The following ZFR variants were observed in gnomAD, a reference collection of about 807,000 sequenced individuals.
ZFR encodes the protein zinc finger RNA binding protein, also known as zinc finger RNA-binding protein.
A neutral mutation model predicts 130.7 loss-of-function variants in ZFR; 19 were observed. The ratio of observed to expected loss-of-function variants is 0.15; its 90% confidence interval spans 0.10 to 0.21. The LOEUF (loss-of-function observed/expected upper bound fraction) is 0.21. ZFR is among the 10% of genes least tolerant of loss of function. ZFR has a pLI of 1.00. For missense variants in ZFR, 872 were observed against 1,321.5 expected, an observed-to-expected ratio of 0.66 and a Z score of 5.27; for synonymous variants, 466 against 456.9, an observed-to-expected ratio of 1.02 and a Z score of -0.25.
rs370795687 is a variant in ZFR, at chr5:32,355,616, T to G, written c.*144A>C. 2.6e-6 allele frequency: 2 copies of G among 764,940 alleles called. No individual in the cohort carries two copies. Among genetic ancestry groups the G allele is most frequent in the African/African-American group, 3.6e-5 (2 of 54,838 alleles). 47.4% of individuals were successfully genotyped at this position (764,940 alleles called of 1,614,324 possible). A position where few individuals can be genotyped will look rare whatever the true frequency, so the allele number is the denominator to read the frequency against. ...TCAAATAATACCTAACACTGTACAT[T>G]TTTTAATATCATAGAAAAACTTGGT... On this transcript the variant is annotated 3_prime_UTR_variant, in exon 20 of 20. Transcript: ENST00000265069.
chr5:32,383,860 C>G, intron 15 of ZFR: 1 of 453,198 alleles, frequency 2.2e-6, no homozygotes, highest in Non-Finnish European at 4.4e-6. Context: ...TGTTTCTACA[C>G]TTTGGCACAT....
intron 8 of ZFR, among the ~76,000 whole-genome samples, chr5:32,402,754 G>C (rs1025873950): frequency 6.7e-6 from 1 of 149,978 alleles, no homozygotes; most frequent in Admixed American, 6.7e-5. Flanking sequence ...CTCCAGCCTC[G>C]GTGACAGAGT....
At chr5:32,374,637 AT>A (rs1752755913) in intron 17 of ZFR, among the ~76,000 whole-genome samples, 2 of 152,110 alleles carry the variant, frequency 1.3e-5, no homozygotes, top group South Asian at 4.1e-4. Flanking sequence ...CCACATTATT[AT>A]TTTGCTCCCA....
intron 17 of ZFR, among the ~76,000 whole-genome samples, chr5:32,367,446 A>C (rs1383357480): frequency 2.0e-5 from 2 of 97,700 alleles, no homozygotes; most frequent in African/African-American, 8.0e-5. Flanking sequence ...AAAAATAATA[A>C]ATAAATAAAT....
At chr5:32,372,631 G>C (rs1426352484) in intron 17 of ZFR, among the ~76,000 whole-genome samples, 1 of 151,970 alleles carries the variant, frequency 6.6e-6, no homozygotes, top group African/African-American at 2.4e-5. Flanking sequence ...CCAAGAGCTC[G>C]AGACTAACCT....
At chr5:32,381,909 T>C (rs1369985895) in intron 15 of ZFR, among the ~76,000 whole-genome samples, 2 of 152,092 alleles carry the variant, frequency 1.3e-5, no homozygotes, top group African/African-American at 4.8e-5. Context: ...TAAGACCAAC[T>C]ATTGAACCTA....
chr5:32,395,947 A>G (rs1031299971), intron 10 of ZFR, among the ~76,000 whole-genome samples: 6 of 152,126 alleles, frequency 3.9e-5, no homozygotes, highest in Non-Finnish European at 8.8e-5. Flanking sequence ...TAGGGAGTCA[A>G]AAGTTATAAG....
intron 5 of ZFR, among the ~76,000 whole-genome samples, chr5:32,409,225 C>G (rs1753646021): frequency 6.6e-6 from 1 of 152,128 alleles, no homozygotes; most frequent in Admixed American, 6.5e-5. Flanking sequence ...TTCCAGAGAT[C>G]TTAGTCTAGA....
Position 32,415,031 on chromosome 5 carries a change from G to C in ZFR, c.722C>G (p.Ala241Gly). The part of the protein sequence containing the change: ...SSTVQPVAAA[A>G]TVVPSYTQSA... ...CTGAGTATAGGATGGCACCACAGTA[G>C]CCGCAGCTGCTACTGGCTGTACGGT... is the stretch of plus-strand genomic sequence containing the variant. Residue 241 changes from alanine (A) to glycine (G), a missense_variant, in exon 5 of 20, where the codon GCT becomes GGT. Physicochemically the swap from Ala to Gly is moderately conservative, Grantham distance 60. Around this residue, in one of 7 missense-constraint regions of ZFR, gnomAD observed 240 missense variants for 441.2 expected, o/e 0.54. Transcript: ENST00000265069. 6.2e-7 allele frequency: 1 copy of C among 1,614,168 alleles called. No individual in the cohort carries two copies. Among genetic ancestry groups the C allele is most frequent in the Non-Finnish European group, 8.5e-7 (1 of 1,180,004 alleles).
intron 19 of ZFR, among the ~76,000 whole-genome samples, chr5:32,363,266 T>C (rs1357921129): frequency 6.6e-6 from 1 of 152,236 alleles, no homozygotes; most frequent in Non-Finnish European, 1.5e-5. Flanking sequence ...AGGGAAGCTG[T>C]ACCAATCTTA....
rs529029816 is a variant in ZFR, at chr5:32,403,842, C to T, written c.1224+64G>A. On this transcript the variant is annotated intron_variant, in intron 7 of 19. Transcript: ENST00000265069. ...ACTTTGAAGTTACCTTTACCTAACC[C>T]CCTTTGAAAAAGTAAAAGATAACAG... 3.2e-5 allele frequency: 47 copies of T among 1,455,248 alleles called. 2 individuals are homozygous for T. The African/African-American group carries it at 5.2e-4, about 16-fold the overall frequency. The allele number at this position is 1,455,248 out of a possible 1,614,324, so 90.1% of individuals were successfully genotyped here.
chr5:32,379,594 C>T (rs1752893806), intron 16 of ZFR: 1 of 241,930 alleles, frequency 4.1e-6, no homozygotes, highest in Non-Finnish European at 8.1e-6. Context: ...GGTTTCCCTT[C>T]TGTGCCTTTG....
chr5:32,415,501 TGTGTGTGTGTGTGTGCGC>T (rs142609508), intron 4 of ZFR, among the ~76,000 whole-genome samples: 1,187 of 104,962 alleles, frequency 0.011, 20 homozygotes, highest in African/African-American at 0.043. Context: ...TGTGTGTGTG[TGTGTGTGTGTGTGTGCGC>T]GCGCGCGCGC....
intron 11 of ZFR, among the ~76,000 whole-genome samples, chr5:32,391,781 T>G (rs988110224): frequency 3.9e-5 from 6 of 152,036 alleles, no homozygotes; most frequent in Admixed American, 3.9e-4. Flanking sequence ...TCCCTTAAAT[T>G]GGCAGAGTCC....
At chr5:32,416,613 T>TCAA (rs1262496213) in intron 4 of ZFR, among the ~76,000 whole-genome samples, 25 of 8,046 alleles carry the variant, frequency 3.1e-3, no homozygotes, top group Non-Finnish European at 3.5e-3. Flanking sequence ...AAACTCCGTC[T>TCAA]CAAAAAAAAA....
At chr5:32,388,808 A>G in intron 12 of ZFR, 134 bp from the exon 13 acceptor site, 2 of 850,848 alleles carry the variant, frequency 2.4e-6, no homozygotes, top group Non-Finnish European at 3.6e-6. Flanking sequence ...TTTCAGTAAA[A>G]ACGAAAATGC....
At chr5:32,443,968 C>A (rs1191998959) in intron 2 of ZFR, among the ~76,000 whole-genome samples, 3 of 151,904 alleles carry the variant, frequency 2.0e-5, no homozygotes, top group Non-Finnish European at 4.4e-5. Flanking sequence ...CTGAAGGGCC[C>A]TGAGGCCTCC....
intron 5 of ZFR, among the ~76,000 whole-genome samples, chr5:32,408,757 T>A (rs1170108676): frequency 1.3e-5 from 2 of 152,250 alleles, no homozygotes; most frequent in African/African-American, 4.8e-5. Flanking sequence ...TTTTCTCAAT[T>A]TTATCTGATC....
At chr5:32,382,280 C>A (rs1752950154) in intron 15 of ZFR, among the ~76,000 whole-genome samples, 1 of 152,114 alleles carries the variant, frequency 6.6e-6, no homozygotes, top group African/African-American at 2.4e-5. Flanking sequence ...TGCTGCACTC[C>A]AGCCTGGGTG....
Sources: allele counts gnomAD v4.1 joint callset (sites outside exome capture counted in the v4.1 genomes callset), GRCh38; gene constraint gnomAD v4.1.1; regional missense constraint gnomAD v4.1.1; transcripts MANE v1.5; gene names NCBI Gene and HGNC (gene_info 2026-07-23, HGNC 2026-07-21).